GRID2: variants seen among roughly 807,000 people sequenced by gnomAD.
GRID2 encodes glutamate receptor ionotropic, delta-2.
GRID2 carries 33 observed loss-of-function variants against 114.8 expected under a neutral mutation model. The ratio of observed to expected loss-of-function variants is 0.29; its 90% CI spans 0.22 to 0.38. The LOEUF is 0.38. GRID2 is among the 10% of genes least tolerant of loss of function. The probability of loss-of-function intolerance (pLI) is 1.00; values close to 1 mark genes in which losing one functional copy is unlikely to be tolerated. For synonymous variants in GRID2, 505 were observed against 449.9 expected (o/e 1.12, Z -1.55); for missense variants, 1,184 against 1,257.7 (o/e 0.94, Z 0.89).
intron 8 of GRID2, 120 bp from the exon 9 acceptor site, chr4:93,395,487 C>T (rs1765239927): frequency 1.8e-6 from 1 of 550,196 alleles, no homozygotes; most frequent in Admixed American, 2.9e-5. Flanking sequence ...AAAACCTGTG[C>T]AGTACTCTTT....
At chr4:92,499,797 T>A (rs1723580546) in intron 1 of GRID2, among the ~76,000 whole-genome samples, 1 of 152,084 alleles carries the variant, frequency 6.6e-6, no homozygotes, top group Non-Finnish European at 1.5e-5. Flanking sequence ...GTATATTTAG[T>A]AGACACAGGG....
intron 1 of GRID2, among the ~76,000 whole-genome samples, chr4:92,449,707 AT>A (rs1579385325): frequency 7.7e-5 from 11 of 142,488 alleles, no homozygotes; most frequent in African/African-American, 2.1e-4. Flanking sequence ...ATATATATAT[AT>A]ATAACACTTA....
chr4:92,325,744 T>C (rs1478256607), intron 1 of GRID2, among the ~76,000 whole-genome samples: 2 of 151,800 alleles, frequency 1.3e-5, no homozygotes, highest in African/African-American at 4.8e-5. Context: ...ATAATCTTTT[T>C]ACTGCTTGGA....
At chr4:93,805,098 G>A (rs1299449400) in intron 1 of GRID2, among the ~76,000 whole-genome samples, 3 of 152,114 alleles carry the variant, frequency 2.0e-5, no homozygotes. Flanking sequence ...ATTTTTTGGT[G>A]AAGAAATGTG....
At chr4:92,599,785 G>C (rs1729115226) in intron 2 of GRID2, among the ~76,000 whole-genome samples, 1 of 151,756 alleles carries the variant, frequency 6.6e-6, no homozygotes, top group Non-Finnish European at 1.5e-5. Flanking sequence ...CCAGCACTTT[G>C]GGAGGCCAAG....
intron 2 of GRID2, among the ~76,000 whole-genome samples, chr4:92,674,183 A>G (rs1201991575): frequency 6.6e-6 from 1 of 152,100 alleles, no homozygotes; most frequent in Non-Finnish European, 1.5e-5. Flanking sequence ...CAAATTAAGT[A>G]AAAACAAAAA....
chr4:93,080,651 G>C (rs1729777102), intron 2 of GRID2, among the ~76,000 whole-genome samples: 1 of 152,108 alleles, frequency 6.6e-6, no homozygotes, highest in Admixed American at 6.6e-5. Context: ...GGACAAACTG[G>C]GAGCACTTTG....
At chr4:93,396,227 T>A (rs1297943844) in intron 9 of GRID2, among the ~76,000 whole-genome samples, 1 of 152,020 alleles carries the variant, frequency 6.6e-6, no homozygotes, top group Non-Finnish European at 1.5e-5. Flanking sequence ...CCAGGCTCAG[T>A]GCTGATTACT....
intron 8 of GRID2, among the ~76,000 whole-genome samples, chr4:93,313,734 A>G (rs1460849194): frequency 6.6e-6 from 1 of 152,206 alleles, no homozygotes; most frequent in Non-Finnish European, 1.5e-5. Flanking sequence ...ATCAGTTATG[A>G]GATGCCACTA....
At chr4:92,500,930 A>G (rs1723653393) in intron 1 of GRID2, among the ~76,000 whole-genome samples, 1 of 152,124 alleles carries the variant, frequency 6.6e-6, no homozygotes, top group South Asian at 2.1e-4. Context: ...TTTATTTTCT[A>G]AGATTCATTC....
intron 1 of GRID2, among the ~76,000 whole-genome samples, chr4:93,782,661 CT>C (rs1419256803): frequency 2.6e-5 from 4 of 152,180 alleles, no homozygotes; most frequent in African/African-American, 9.7e-5. Flanking sequence ...CTCTAACCAA[CT>C]TTCAACACTG....
At position 93,167,213 on chromosome 4, in the gene GRID2, GT is replaced by G. The variant is rs1738335808; in HGVS notation, c.736-40189del. On this transcript the variant is annotated intron_variant, in intron 4 of 15. Coordinates refer to ENST00000282020, the MANE Select transcript of GRID2 (RefSeq NM_001510.4). The stretch of plus-strand genomic sequence containing the variant: ...TTAAAAGAAATTGTGTCTTTTTGAA[GT>G]TACTCTTGAATTGCTTCAATGACAA... 6.6e-5 allele frequency among the ~76,000 whole-genome samples: 10 copies of G among 152,088 alleles called. 1 individual carries two copies. The South Asian group carries it at 2.1e-3, about 31-fold the overall frequency.
chr4:92,766,078 T>C (rs763248271), intron 2 of GRID2, among the ~76,000 whole-genome samples: 6 of 152,180 alleles, frequency 3.9e-5, no homozygotes, highest in Non-Finnish European at 8.8e-5. Context: ...CTCTAGGAGA[T>C]AGATTTCATA....
At chr4:92,396,790 C>A (rs1229940955) in intron 1 of GRID2, among the ~76,000 whole-genome samples, 1 of 152,016 alleles carries the variant, frequency 6.6e-6, no homozygotes, top group Non-Finnish European at 1.5e-5. Context: ...AGAAAAGTTT[C>A]AGCACATCAG....
At chr4:92,794,285 T>C (rs747894269) in intron 2 of GRID2, among the ~76,000 whole-genome samples, 1 of 151,860 alleles carries the variant, frequency 6.6e-6, no homozygotes, top group African/African-American at 2.4e-5. Flanking sequence ...AAATGAAACA[T>C]AGGCAACTCA....
intron 14 of GRID2, among the ~76,000 whole-genome samples, chr4:93,761,411 C>T (rs1444849746): frequency 1.3e-5 from 2 of 152,166 alleles, no homozygotes; most frequent in African/African-American, 4.8e-5. Flanking sequence ...GAAGGTCATT[C>T]TGGCAGCTTG....
rs114844594 is a variant in GRID2 at position 93,530,069 on chromosome 4, A to G, written c.2193+14658A>G. 5.2e-3 allele frequency among the ~76,000 whole-genome samples: 799 copies of G among 152,274 alleles called. 11 individuals carry two copies. The highest frequency in any genetic ancestry group is 0.019 in the African/African-American group (772 of 41,562). On this transcript the variant is annotated intron_variant, in intron 13 of 15. Transcript: ENST00000282020. ...CCAGAGCCAAATAATTGCTTTAACT[A>G]TCAATCCTGCCTCTGACACATCTCT... is the stretch of plus-strand genomic sequence containing the variant.
intron 2 of GRID2, among the ~76,000 whole-genome samples, chr4:92,895,815 C>T (rs1158889513): frequency 2.0e-5 from 3 of 152,038 alleles, no homozygotes; most frequent in African/African-American, 7.2e-5. Context: ...ATAACTTGCC[C>T]AAGGTAAAGA....
chr4:92,902,148 T>C (rs1035814455), intron 2 of GRID2, among the ~76,000 whole-genome samples: 2 of 152,112 alleles, frequency 1.3e-5, no homozygotes, highest in Admixed American at 1.3e-4. Context: ...TTGGGATTTC[T>C]ATTTCTTCCT....
Sources: allele counts gnomAD v4.1 joint callset (sites outside exome capture counted in the v4.1 genomes callset), GRCh38; gene constraint gnomAD v4.1.1; transcripts MANE v1.5; gene names NCBI Gene and HGNC (gene_info 2026-07-23, HGNC 2026-07-21).